The following PCDHGC3 variants were observed in gnomAD, a reference collection of about 807,000 sequenced individuals.
The protein encoded by PCDHGC3 is protocadherin gamma subfamily C, 3, also known as protocadherin gamma-C3.
In PCDHGC3, 26 loss-of-function variants were observed where a neutral mutation model predicts 59.2. The ratio of observed to expected loss-of-function variants is 0.44; its 90% CI spans 0.32 to 0.61. The LOEUF (loss-of-function observed/expected upper bound fraction) is 0.61, where lower values mean the gene tolerates loss of function less well. Among genes scored for constraint, PCDHGC3 ranks in the 20% least tolerant of loss-of-function variants. The pLI, the probability that PCDHGC3 is intolerant of heterozygous loss-of-function variation, is 0.05. For synonymous variants in PCDHGC3, 487 were observed against 519.7 expected, an observed-to-expected ratio of 0.94 and a Z score of 0.86; for missense variants, 1,080 against 1,221.8, an observed-to-expected ratio of 0.88 and a Z score of 1.73.
chr5:141,492,042 A>T, intron 1 of PCDHGC3: 1 of 519,520 alleles, frequency 1.9e-6, no homozygotes, highest in Non-Finnish European at 3.4e-6. Context: ...GCAGTCACAG[A>T]TCCACCCCTG....
At chr5:141,478,884 C>A in intron 1 of PCDHGC3, 1 of 1,194,298 alleles carries the variant, frequency 8.4e-7, no homozygotes, top group Non-Finnish European at 1.1e-6. Flanking sequence ...AGCTTGGTAT[C>A]ATTTACATTA....
chr5:141,491,441 A>G lies in PCDHGC3; in HGVS notation c.2431-3366A>G, dbSNP rs776616506. 1.2e-6 allele frequency: 2 copies of G among 1,614,146 alleles called. No homozygotes were observed. The highest frequency in any genetic ancestry group is 1.7e-6 in the Non-Finnish European group (2 of 1,180,032). ...GGTGGAGGGCAGTGCTGCAGGCGCCAGGACTCACCCTCCCCGGACTTCTAT... is the reference window on the plus strand; with the variant it reads ...GGTGGAGGGCAGTGCTGCAGGCGCCGGGACTCACCCTCCCCGGACTTCTAT... On this transcript the variant is annotated intron_variant, in intron 1 of 3. Coordinates refer to ENST00000308177, the MANE Select transcript of PCDHGC3 (RefSeq NM_002588.4). The surrounding 1 kb of genome is among the most constrained non-coding windows in gnomAD (Gnocchi z 6.9).
chr5:141,485,762 G>A lies in PCDHGC3; in HGVS notation c.2430+7216G>A, dbSNP rs774145313. 3.1e-6 allele frequency: 5 copies of A among 1,614,226 alleles called. No homozygotes were observed. The highest frequency in any genetic ancestry group is 3.3e-5 in the Admixed American group (2 of 60,030). ...CAGCCTGGTCCCAGAGCTGCTCCTG[G>A]AGAAGCCTTTGGATCGAGAGAAGCA... On this transcript the variant is annotated intron_variant, in intron 1 of 3. Transcript: ENST00000308177. The surrounding 1 kb of genome is among the most constrained non-coding windows in gnomAD (Gnocchi z 5.7).
chr5:141,504,728 G>A (rs978910481), intron 2 of PCDHGC3, among the ~76,000 whole-genome samples: 5 of 151,522 alleles, frequency 3.3e-5, no homozygotes, highest in African/African-American at 9.7e-5. Context: ...TACTCTGAGG[G>A]CTTAGGAAGC....
chr5:141,503,222 G>C (rs540244346), intron 2 of PCDHGC3, among the ~76,000 whole-genome samples: 1 of 152,120 alleles, frequency 6.6e-6, no homozygotes, highest in Middle Eastern at 3.4e-3. Context: ...CATGAGCACC[G>C]TAAAGATGGA....
Position 141,489,090 on chromosome 5 carries a change from C to CAAA in PCDHGC3, c.2431-5717_2431-5716insAAA. ...CCTGCCCACCCCCGCCACTCGGTGA[C>CAAA]TAAGAACTGCTGCAAGCAGGCAAAC... is the stretch of plus-strand genomic sequence containing the variant. On this transcript the variant is annotated intron_variant, in intron 1 of 3. Transcript: ENST00000308177. The surrounding 1 kb of genome is among the most constrained non-coding windows in gnomAD (Gnocchi z 4.5). 7 of 328,768 alleles carry CAAA rather than the reference C, an allele frequency of 2.1e-5. No homozygotes were observed. The highest frequency in any genetic ancestry group is 6.1e-5 in the Admixed American group (1 of 16,494). The allele number at this position is 328,768 out of a possible 1,614,324, so 20.4% of individuals were successfully genotyped here. A position where few individuals can be genotyped will look rare whatever the true frequency, so the allele number is the denominator to read the frequency against.
At chr5:141,508,815 C>T (rs1190983144) in intron 3 of PCDHGC3, among the ~76,000 whole-genome samples, 1 of 152,138 alleles carries the variant, frequency 6.6e-6, no homozygotes, top group East Asian at 1.9e-4. Context: ...TCTTTGAAGC[C>T]AGATCTGGGC....
At chr5:141,510,450 T>G (rs1273211856) in intron 3 of PCDHGC3, among the ~76,000 whole-genome samples, 1 of 151,946 alleles carries the variant, frequency 6.6e-6, no homozygotes, top group Non-Finnish European at 1.5e-5. Flanking sequence ...CAGGAGCCCA[T>G]GGTCTAGTGT....
In PCDHGC3 at chr5:141,478,481, C is replaced by A; in HGVS notation, c.2365C>A (p.Leu789Met). The change falls in exon 1 of 4, where the codon CTG (leucine) becomes ATG (methionine). Residue 789 changes from leucine (L) to methionine (M), a missense_variant. By Grantham distance (15) the Leu-to-Met change is conservative. Coordinates refer to ENST00000308177, the MANE Select transcript of PCDHGC3 (RefSeq NM_002588.4). ...TCCACTGGCCAGCCGCCAGAACACG[C>A]TGCGGAGCTGTGATCCGGTGTTCTA... The part of the protein sequence containing the change: ...ASPLASRQNT[L>M]RSCDPVFYRQ... The A allele has an allele frequency of 6.2e-7, 1 of 1,613,576 alleles. No individual in the cohort carries two copies. Among genetic ancestry groups the A allele is most frequent in the South Asian group, 1.1e-5 (1 of 91,060 alleles).
chr5:141,510,291 A>AG (rs903726285), intron 3 of PCDHGC3, among the ~76,000 whole-genome samples: 1 of 150,450 alleles, frequency 6.6e-6, no homozygotes, highest in African/African-American at 2.4e-5. Context: ...AAAAAAAAAA[A>AG]TGCTGTTTTG....
In PCDHGC3 at chr5:141,489,153, G is replaced by A; in HGVS notation, c.2431-5654G>A. The A allele has an allele frequency of 1.1e-6, 1 of 935,832 alleles. No homozygotes were observed. The highest frequency in any genetic ancestry group is 1.6e-6 in the Non-Finnish European group (1 of 627,178). 58.0% of individuals were successfully genotyped at this position (935,832 alleles called of 1,614,324 possible). A position where few individuals can be genotyped will look rare whatever the true frequency, so the allele number is the denominator to read the frequency against. ...TTTAAGAGGCTGGAAGGAGACATAA[G>A]AGACTTCAGCTGCTGCATTCCAAGC... On this transcript the variant is annotated intron_variant, in intron 1 of 3. Coordinates refer to ENST00000308177, the MANE Select transcript of PCDHGC3 (RefSeq NM_002588.4). This position sits in a 1 kb window ranked among gnomAD's most constrained non-coding sequence, Gnocchi z 4.5.
Position 141,490,972 on chromosome 5 carries a change from C to G in PCDHGC3, c.2431-3835C>G. 6.2e-7 allele frequency: 1 copy of G among 1,613,912 alleles called. No homozygotes were observed. Among genetic ancestry groups the G allele is most frequent in the Non-Finnish European group, 8.5e-7 (1 of 1,179,922 alleles). Reference sequence around the variant, plus strand: ...AGACTGGGAACACTCAGCCCCCCAGCGTCTCCCTCGCTCTGCTCCTCCTGG... The same window carrying G: ...AGACTGGGAACACTCAGCCCCCCAGGGTCTCCCTCGCTCTGCTCCTCCTGG... On this transcript the variant is annotated intron_variant, in intron 1 of 3. Coordinates refer to ENST00000308177, the MANE Select transcript of PCDHGC3 (RefSeq NM_002588.4). The surrounding 1 kb of genome is among the most constrained non-coding windows in gnomAD (Gnocchi z 5.4).
Position 141,476,464 on chromosome 5 carries a change from G to A in PCDHGC3, c.348G>A (p.Leu116=), listed in dbSNP as rs745664477. The change falls in exon 1 of 4, where the codon CTG becomes CTA. Residue 116 remains leucine (L), a synonymous_variant. Transcript: ENST00000308177. This position sits in a 1 kb window ranked among gnomAD's most constrained non-coding sequence, Gnocchi z 7.6. ...TGGAGTTGGTAGTGGAGAACCCGCT[G>A]GAGCTGTTCAGCGTGGAAGTGGTGA... The part of the protein sequence containing the change: ...VTLELVVENP[L]ELFSVEVVIQ... 3 of 1,614,140 alleles carry A rather than the reference G, an allele frequency of 1.9e-6. No homozygotes were observed. Among genetic ancestry groups the A allele is most frequent in the Non-Finnish European group, 2.5e-6 (3 of 1,180,014 alleles).
chr5:141,483,303 T>A (rs1222660132), intron 1 of PCDHGC3, among the ~76,000 whole-genome samples: 1 of 152,146 alleles, frequency 6.6e-6, no homozygotes, highest in Non-Finnish European at 1.5e-5. Context: ...GTGAAGGGAC[T>A]GGGGACATTG....
In PCDHGC3 at chr5:141,490,654, C is replaced by A; in HGVS notation, c.2431-4153C>A. On this transcript the variant is annotated intron_variant, in intron 1 of 3. Transcript: ENST00000308177. The surrounding 1 kb of genome is among the most constrained non-coding windows in gnomAD (Gnocchi z 5.4). ...CCTAGAAAACCGGCCTCCGGGCTCC[C>A]TTCTTTGCACTGTGGCTGCCTCAGA... 6.2e-7 allele frequency: 1 copy of A among 1,614,206 alleles called. No individual in the cohort carries two copies. Among genetic ancestry groups the A allele is most frequent in the Non-Finnish European group, 8.5e-7 (1 of 1,180,014 alleles).
chr5:141,482,995 G>A (rs1395482427), intron 1 of PCDHGC3, among the ~76,000 whole-genome samples: 1 of 152,048 alleles, frequency 6.6e-6, no homozygotes, highest in Non-Finnish European at 1.5e-5. Flanking sequence ...CGAGGCAGGA[G>A]AATTGCTTGA....
intron 1 of PCDHGC3, among the ~76,000 whole-genome samples, chr5:141,488,463 C>T (rs926068842): frequency 6.6e-6 from 1 of 152,164 alleles, no homozygotes; most frequent in African/African-American, 2.4e-5. Flanking sequence ...GATTCAGCCC[C>T]AGAAATGTTC....
Position 141,487,278 on chromosome 5 carries a change from T to G in PCDHGC3, c.2431-7529T>G. 6 of 1,614,180 alleles carry G rather than the reference T, an allele frequency of 3.7e-6. No individual in the cohort carries two copies. Among genetic ancestry groups the G allele is most frequent in the Non-Finnish European group, 5.1e-6 (6 of 1,180,040 alleles). On this transcript the variant is annotated intron_variant, in intron 1 of 3. Coordinates refer to ENST00000308177, the MANE Select transcript of PCDHGC3 (RefSeq NM_002588.4). The surrounding 1 kb of genome is among the most constrained non-coding windows in gnomAD (Gnocchi z 5.0). Reference sequence around the variant, plus strand: ...GCTGTGTCCCTAGTGGCAATTTGCTTTGTCTCCTTTGGCTCATTCGTGGCA... The same window carrying G: ...GCTGTGTCCCTAGTGGCAATTTGCTGTGTCTCCTTTGGCTCATTCGTGGCA...
Position 141,485,331 on chromosome 5 carries a change from T to C in PCDHGC3, c.2430+6785T>C, listed in dbSNP as rs1203054851. On this transcript the variant is annotated intron_variant, in intron 1 of 3. Transcript: ENST00000308177. This position sits in a 1 kb window ranked among gnomAD's most constrained non-coding sequence, Gnocchi z 5.7. Reference sequence around the variant, plus strand: ...GTAGGGAATGTCGCTCAAGATTTCCTGCTGGATACGGACAGTCTGTCAGCT... The same window carrying C: ...GTAGGGAATGTCGCTCAAGATTTCCCGCTGGATACGGACAGTCTGTCAGCT... 6.2e-7 allele frequency: 1 copy of C among 1,614,048 alleles called. No individual in the cohort carries two copies. Among genetic ancestry groups the C allele is most frequent in the African/African-American group, 1.3e-5 (1 of 74,902 alleles).
Sources: allele counts gnomAD v4.1 joint callset (sites outside exome capture counted in the v4.1 genomes callset), GRCh38; gene constraint gnomAD v4.1.1; non-coding constraint Gnocchi (gnomAD v3.1); transcripts MANE v1.5; gene names NCBI Gene and HGNC (gene_info 2026-07-23, HGNC 2026-07-21).